PRKG1: variants seen among roughly 807,000 people sequenced by gnomAD.
The protein encoded by PRKG1 is protein kinase cGMP-dependent 1, also known as cGMP-dependent protein kinase 1.
A neutral mutation model predicts 88.1 loss-of-function variants in PRKG1; 35 were observed. The observed-to-expected ratio is 0.40, with a 90% CI of 0.30 to 0.53. The LOEUF is 0.53. Among genes scored for constraint, PRKG1 ranks in the 20% least tolerant of loss-of-function variants. PRKG1 has a pLI of 0.59. For missense variants in PRKG1, 540 were observed against 839.8 expected (o/e 0.64, Z 4.41); for synonymous variants, 303 against 292.5 (o/e 1.04, Z -0.37).
chr10:51,597,696 T>C lies in PRKG1; in HGVS notation c.592+129860T>C, dbSNP rs145644583. ...GGGTCCTGTGGCAAGAAAATCAATATTGGATGCACGAGAAGGTATGTGTGA... is the reference window on the plus strand; with the variant it reads ...GGGTCCTGTGGCAAGAAAATCAATACTGGATGCACGAGAAGGTATGTGTGA... On this transcript the variant is annotated intron_variant, in intron 3 of 17. Coordinates refer to ENST00000373980, the MANE Select transcript of PRKG1 (RefSeq NM_006258.4). 5.3e-5 allele frequency among the ~76,000 whole-genome samples: 8 copies of C among 152,208 alleles called. No individual in the cohort carries two copies. The East Asian group carries it at 1.4e-3, about 26-fold the overall frequency.
chr10:51,227,623 C>G (rs557971554), intron 2 of PRKG1, among the ~76,000 whole-genome samples: 45 of 152,158 alleles, frequency 3.0e-4, no homozygotes, highest in African/African-American at 1.1e-3. Context: ...TGGTGTACAG[C>G]TGGTTCTCAT....
At chr10:52,029,009 G>A (rs755717318) in intron 5 of PRKG1, among the ~76,000 whole-genome samples, 2 of 152,156 alleles carry the variant, frequency 1.3e-5, no homozygotes, top group Admixed American at 6.5e-5. Context: ...CTTCTAAATT[G>A]TAAATGACAT....
intron 4 of PRKG1, among the ~76,000 whole-genome samples, chr10:51,884,204 T>C (rs961461718): frequency 6.6e-6 from 1 of 150,980 alleles, no homozygotes; most frequent in Admixed American, 6.6e-5. Context: ...CCCAGCACTT[T>C]GGGAGGCCGA....
intron 5 of PRKG1, among the ~76,000 whole-genome samples, chr10:51,992,477 C>T (rs552691160): frequency 4.6e-5 from 7 of 152,006 alleles, no homozygotes; most frequent in South Asian, 2.1e-4. Context: ...GTAAGACCTC[C>T]GTAAGAACTA....
At chr10:51,986,772 T>C (rs1164094144) in intron 5 of PRKG1, among the ~76,000 whole-genome samples, 1 of 152,168 alleles carries the variant, frequency 6.6e-6, no homozygotes, top group African/African-American at 2.4e-5. Flanking sequence ...TCGTATGAGA[T>C]ACTGGGACTT....
chr10:51,831,032 T>G (rs1265329603), intron 4 of PRKG1, among the ~76,000 whole-genome samples: 28 of 152,018 alleles, frequency 1.8e-4, no homozygotes, highest in Admixed American at 1.8e-3. Context: ...TCGACTGAGG[T>G]TTTTATGAGA....
At chr10:51,973,248 A>G (rs1214989483) in intron 5 of PRKG1, among the ~76,000 whole-genome samples, 1 of 152,176 alleles carries the variant, frequency 6.6e-6, no homozygotes, top group Non-Finnish European at 1.5e-5. Context: ...CTCACATTCC[A>G]GCAAGCTACA....
intron 1 of PRKG1, among the ~76,000 whole-genome samples, chr10:51,021,932 C>T (rs551496043): frequency 6.6e-5 from 10 of 152,284 alleles, no homozygotes; most frequent in Admixed American, 2.6e-4. Flanking sequence ...CCACCTGCCT[C>T]GGCCTCCCAA....
rs188951522 is a variant in PRKG1, at chr10:51,701,644, C to T, written c.593-102941C>T. Reference sequence around the variant, plus strand: ...TCTATTTTTCTTCCTTCTATACCATCACTTTACAAAGAGAAGGCATACCTT... The same window carrying T: ...TCTATTTTTCTTCCTTCTATACCATTACTTTACAAAGAGAAGGCATACCTT... On this transcript the variant is annotated intron_variant, in intron 3 of 17. Transcript: ENST00000373980. 1.0e-4 allele frequency among the ~76,000 whole-genome samples: 15 copies of T among 150,282 alleles called. No individual in the cohort carries two copies. The South Asian group carries it at 2.8e-3, about 28-fold the overall frequency.
chr10:51,779,060 A>G (rs1156521548), intron 3 of PRKG1, among the ~76,000 whole-genome samples: 3 of 152,118 alleles, frequency 2.0e-5, no homozygotes, highest in Admixed American at 2.0e-4. Flanking sequence ...AAAGGTTGGG[A>G]TTGTTAGGTA....
chr10:51,744,574 T>A (rs1346752212), intron 3 of PRKG1, among the ~76,000 whole-genome samples: 3 of 152,232 alleles, frequency 2.0e-5, no homozygotes, highest in Non-Finnish European at 4.4e-5. Context: ...GATAGTTTTT[T>A]ATGTTAGTAT....
chr10:51,896,330 G>A (rs979345372), intron 4 of PRKG1, among the ~76,000 whole-genome samples: 4 of 152,002 alleles, frequency 2.6e-5, no homozygotes, highest in African/African-American at 9.7e-5. Flanking sequence ...TATGTGCCAG[G>A]TACCTTCTTA....
At chr10:51,212,927 A>G (rs547406958) in intron 2 of PRKG1, among the ~76,000 whole-genome samples, 246 of 152,324 alleles carry the variant, frequency 1.6e-3, no homozygotes, top group African/African-American at 5.4e-3. Context: ...GGGATCTAGA[A>G]CTAGAAATAC....
In PRKG1 at chr10:52,288,931, G is replaced by A. The variant is rs1373914080; in HGVS notation, c.1833G>A (p.Arg611=). ...AATAAAACCATTATTTTATTTTTAG[G>A]GACAATCCATCAGAAAGATTAGGGA... ...NAANLIKKLC[R]DNPSERLGNL... is the part of the protein sequence containing the mutation. The change falls in exon 16 of 18, where the codon AGG becomes AGA. Residue 611 remains arginine, a splice_region_variant and synonymous_variant. Transcript: ENST00000373980. 6.2e-7 allele frequency: 1 copy of A among 1,602,740 alleles called. No homozygotes were observed. Among genetic ancestry groups the A allele is most frequent in the Non-Finnish European group, 8.5e-7 (1 of 1,173,718 alleles).
intron 3 of PRKG1, among the ~76,000 whole-genome samples, chr10:51,801,062 T>C (rs1300573486): frequency 6.6e-6 from 1 of 152,122 alleles, no homozygotes; most frequent in Non-Finnish European, 1.5e-5. Flanking sequence ...TGTTGCCTTT[T>C]TTGTGTATTC....
chr10:51,383,050 G>A (rs572523553), intron 2 of PRKG1, among the ~76,000 whole-genome samples: 2 of 152,116 alleles, frequency 1.3e-5, no homozygotes, highest in South Asian at 4.1e-4. Flanking sequence ...AAAGCAGATG[G>A]GCTTATAATG....
intron 3 of PRKG1, among the ~76,000 whole-genome samples, chr10:51,490,023 G>A (rs1033369732): frequency 3.3e-5 from 5 of 152,062 alleles, no homozygotes; most frequent in African/African-American, 1.2e-4. Context: ...TAAAATGTAA[G>A]TGTTCCTCCC....
At chr10:51,095,624 A>G (rs1844509182) in intron 1 of PRKG1, among the ~76,000 whole-genome samples, 1 of 152,194 alleles carries the variant, frequency 6.6e-6, no homozygotes, top group Admixed American at 6.6e-5. Flanking sequence ...GATAGCAGCC[A>G]GACCGCGTGC....
At chr10:52,037,269 G>T (rs535383654) in intron 5 of PRKG1, among the ~76,000 whole-genome samples, 6 of 152,326 alleles carry the variant, frequency 3.9e-5, no homozygotes, top group Admixed American at 3.9e-4. Context: ...CCTGGCCGCT[G>T]CGGTTCAGGC....
Sources: gnomAD v4.1 joint callset for allele counts (sites outside exome capture counted in the v4.1 genomes callset) on GRCh38, gnomAD v4.1.1 for gene constraint, MANE v1.5 for transcripts, NCBI Gene and HGNC (gene_info 2026-07-23, HGNC 2026-07-21) for gene names.